Variants in PAK6 observed in about 807,000 individuals in gnomAD.
The protein encoded by PAK6 is serine/threonine-protein kinase PAK 6.
PAK6 carries 33 observed loss-of-function variants against 60.8 expected under a neutral mutation model. That is an observed-to-expected ratio of 0.54 (90% CI 0.41 to 0.73). PAK6 has a LOEUF of 0.73. Among genes scored for constraint, PAK6 ranks in the 30% least tolerant of loss-of-function variants. The pLI is 0.00. For synonymous variants in PAK6, 404 were observed against 378.5 expected, an observed-to-expected ratio of 1.07 and a Z score of -0.78; for missense variants, 845 against 904.1, an observed-to-expected ratio of 0.93 and a Z score of 0.84.
rs977306736 is a variant in PAK6 at position 40,248,954 on chromosome 15, T to C, written c.-117-4224T>C. Among the ~76,000 whole-genome samples the C allele has an allele frequency of 2.0e-5, 3 of 152,240 alleles. No homozygotes were observed. The East Asian group carries it at 5.8e-4, about 29-fold the overall frequency. ...CTCCTCCCCTCAGTAACTGGCTTAC[T>C]TAGTCTTTCTGGACTGGATAACAAA... On this transcript the variant is annotated intron_variant, in intron 2 of 10. Coordinates refer to ENST00000560346, the Ensembl canonical transcript of PAK6.
chr15:40,252,970 G>A (rs2140956944), intron 2 of PAK6: 2 of 657,342 alleles, frequency 3.0e-6, no homozygotes, highest in Admixed American at 4.4e-5. Context: ...GGCTGGAGAG[G>A]GGCCGCCCCG....
rs764300808 is a variant in PAK6 at position 40,266,157 on chromosome 15, G to A, written c.520G>A (p.Ala174Thr). Residue 174 changes from alanine to threonine, a missense_variant, in exon 5 of 11, where the codon GCT becomes ACT. Coordinates refer to ENST00000560346, the Ensembl canonical transcript of PAK6. ...CCCACGGGTCCTGCCCAATGGGCTGGCTGCAAAGGCACAGTCCCTGGGCCC... is the reference window on the plus strand; with the variant it reads ...CCCACGGGTCCTGCCCAATGGGCTGACTGCAAAGGCACAGTCCCTGGGCCC... 3 of 1,609,034 alleles carry A rather than the reference G, an allele frequency of 1.9e-6. No individual in the cohort carries two copies. In the South Asian group the frequency reaches 3.3e-5, roughly 18 times the overall value.
In PAK6 at chr15:40,273,953, T is replaced by C. The variant is rs185561499; in HGVS notation, c.1744-189T>C. 238 of 705,476 alleles carry C rather than the reference T, an allele frequency of 3.4e-4. 1 individual carries two copies. The East Asian group carries it at 6.0e-3, about 18-fold the overall frequency. 43.7% of individuals were successfully genotyped at this position (705,476 alleles called of 1,614,324 possible). On this transcript the variant is annotated intron_variant, in intron 9 of 10. Transcript: ENST00000560346. ...TTTCTCTGAGTGACTGACAGCTGTG[T>C]CCCTATAGGCAGTGGTCACTCATGC... is the stretch of plus-strand genomic sequence containing the variant.
intron 3 of PAK6, among the ~76,000 whole-genome samples, chr15:40,261,406 G>A (rs1004404258): frequency 6.6e-6 from 1 of 151,892 alleles, no homozygotes; most frequent in Admixed American, 6.6e-5. Flanking sequence ...GCGTGATGGC[G>A]TGCGCCTGTA....
At chr15:40,265,440 G>A (rs2039097354) in intron 4 of PAK6, among the ~76,000 whole-genome samples, 1 of 152,198 alleles carries the variant, frequency 6.6e-6, no homozygotes, top group South Asian at 2.1e-4. Context: ...CGAAGCCAGT[G>A]TGTGTGGAGG....
chr15:40,249,003 A>T (rs1051333442), intron 2 of PAK6, among the ~76,000 whole-genome samples: 7 of 152,046 alleles, frequency 4.6e-5, no homozygotes, highest in Non-Finnish European at 7.4e-5. Context: ...GTGGCTTATA[A>T]ACAACAGAAA....
chr15:40,247,285 T>G (rs187461806), intron 2 of PAK6: 3 of 152,234 alleles, frequency 2.0e-5, no homozygotes, highest in African/African-American at 7.2e-5. Flanking sequence ...CAAAAGATAT[T>G]TGGATGGAAC....
At chr15:40,252,882 G>A in intron 2 of PAK6, 1 of 1,232,042 alleles carries the variant, frequency 8.1e-7, no homozygotes, top group Non-Finnish European at 1.0e-6. Context: ...CGCCCGGCGC[G>A]GGGCATTCGC....
exon 10 of PAK6, chr15:40,274,150 C>T: frequency 1.2e-6 from 2 of 1,614,084 alleles, no homozygotes; most frequent in Non-Finnish European, 1.7e-6. Context: ...AGGTGGATAT[C>T]TGGTCTCTGG....
In PAK6 at chr15:40,272,209, G is replaced by C; in HGVS notation, c.859-15G>C. ...TCCCACAGCCCTGACCCTTCCTGTT[G>C]CTTTGTCCCTGCAGCCCAACTCCTC... On this transcript the variant is annotated splice_polypyrimidine_tract_variant and intron_variant, in intron 5 of 10. Transcript: ENST00000560346. The C allele has an allele frequency of 6.3e-7, 1 of 1,597,838 alleles. No homozygotes were observed. Among genetic ancestry groups the C allele is most frequent in the African/African-American group, 1.3e-5 (1 of 74,726 alleles).
chr15:40,272,899 G>A (rs780974985), exon 7 of PAK6: 14 of 1,613,992 alleles, frequency 8.7e-6, no homozygotes, highest in East Asian at 6.7e-5. Context: ...GCACTTCAAC[G>A]TGGTGGAGAT....
intron 3 of PAK6, among the ~76,000 whole-genome samples, chr15:40,262,971 A>G (rs770943855): frequency 1.3e-5 from 2 of 152,230 alleles, no homozygotes; most frequent in Non-Finnish European, 1.5e-5. Flanking sequence ...GGTCCTGTAC[A>G]TGTGGCTCTA....
At chr15:40,254,768 TCA>T (rs1346069649) in intron 3 of PAK6, among the ~76,000 whole-genome samples, 1 of 152,252 alleles carries the variant, frequency 6.6e-6, no homozygotes, top group Non-Finnish European at 1.5e-5. Flanking sequence ...TCTCTGAGCC[TCA>T]GTTTCTTCAT....
At chr15:40,264,796 A>C in exon 4 of PAK6, 1 of 1,613,852 alleles carries the variant, frequency 6.2e-7, no homozygotes, top group Non-Finnish European at 8.5e-7. Flanking sequence ...ATGTTCCGCA[A>C]GAAAAAGAAG....
intron 2 of PAK6, among the ~76,000 whole-genome samples, chr15:40,244,070 G>A (rs369847074): frequency 3.9e-5 from 6 of 152,176 alleles, no homozygotes; most frequent in South Asian, 2.1e-4. Context: ...AGTGGCTCAC[G>A]CCTGTAATCC....
rs768380748 is a variant in PAK6, at chr15:40,272,526, T to C, written c.1161T>C (p.His387=). 54 of 1,613,670 alleles carry C rather than the reference T, an allele frequency of 3.3e-5. No homozygotes were observed. The Admixed American group carries it at 8.5e-4, about 25-fold the overall frequency. ...GTGAGGACACAGGTGTTGTGACACA[T>C]GAGCAGTTCAAGGCTGCGCTCAGGA... The change falls in exon 6 of 11, where the codon CAT becomes CAC. Residue 387 remains histidine (H), a synonymous_variant. Coordinates refer to ENST00000560346, the Ensembl canonical transcript of PAK6.
exon 11 of PAK6, chr15:40,276,169 G>C: frequency 3.0e-6 from 4 of 1,336,712 alleles, no homozygotes; most frequent in South Asian, 2.4e-5. Context: ...GGCAGGACTT[G>C]CCTGCCTCCT....
At chr15:40,270,267 AC>A (rs942986597) in intron 5 of PAK6, among the ~76,000 whole-genome samples, 9 of 150,816 alleles carry the variant, frequency 6.0e-5, no homozygotes, top group Non-Finnish European at 8.9e-5. Context: ...TGCGCCCTCC[AC>A]CCCCCTCACA....
intron 5 of PAK6, among the ~76,000 whole-genome samples, chr15:40,270,357 C>T (rs2039266859): frequency 1.3e-5 from 2 of 152,178 alleles, no homozygotes; most frequent in Admixed American, 1.3e-4. Flanking sequence ...TTCCATGGGC[C>T]TCCTAGGACC....
Sources: gnomAD v4.1 joint callset for allele counts (sites outside exome capture counted in the v4.1 genomes callset) on GRCh38, gnomAD v4.1.1 for gene constraint, MANE v1.5 for transcripts, NCBI Gene and HGNC (gene_info 2026-07-23, HGNC 2026-07-21) for gene names.